Variants in PRKCB observed in about 807,000 individuals in gnomAD.
The protein encoded by PRKCB is protein kinase C beta type.
Under a neutral mutation model 81.5 loss-of-function variants are expected in PRKCB, and 13 were observed. The ratio of observed to expected loss-of-function variants is 0.16; its 90% CI spans 0.10 to 0.25. The LOEUF (loss-of-function observed/expected upper bound fraction) is 0.25. Among genes scored for constraint, PRKCB ranks in the 10% least tolerant of loss-of-function variants. The pLI, the probability that PRKCB is intolerant of heterozygous loss-of-function variation, is 1.00. For synonymous variants in PRKCB, 335 were observed against 321.4 expected (o/e 1.04, Z -0.45); for missense variants, 509 against 875.7 (o/e 0.58, Z 5.29).
intron 16 of PRKCB, among the ~76,000 whole-genome samples, chr16:24,192,129 G>A (rs938691929): frequency 3.9e-5 from 6 of 152,164 alleles, no homozygotes; most frequent in Non-Finnish European, 7.3e-5. Context: ...GATAATAATG[G>A]TAGTTATTTT....
chr16:24,064,570 T>C (rs1193464418), intron 5 of PRKCB, among the ~76,000 whole-genome samples: 1 of 152,178 alleles, frequency 6.6e-6, no homozygotes, highest in Non-Finnish European at 1.5e-5. Context: ...GGATGCCATA[T>C]TGTGTGTGTG....
chr16:23,976,431 C>T (rs1454954801), intron 2 of PRKCB, among the ~76,000 whole-genome samples: 1 of 152,200 alleles, frequency 6.6e-6, no homozygotes, highest in Non-Finnish European at 1.5e-5. Flanking sequence ...AGCTGATTCT[C>T]TTTGGGTGTC....
intron 2 of PRKCB, among the ~76,000 whole-genome samples, chr16:23,841,469 G>C (rs918897438): frequency 6.6e-6 from 1 of 152,012 alleles, no homozygotes; most frequent in Middle Eastern, 3.4e-3. Flanking sequence ...TTGGTAGAGA[G>C]AAAAACCTTC....
At chr16:24,079,193 A>G (rs1288669689) in intron 5 of PRKCB, among the ~76,000 whole-genome samples, 1 of 152,212 alleles carries the variant, frequency 6.6e-6, no homozygotes, top group African/African-American at 2.4e-5. Context: ...ATAAGAACTA[A>G]TGATAATCCC....
At chr16:24,035,664 G>A (rs1965606443) in intron 5 of PRKCB, 117 bp downstream of exon 5, 2 of 1,094,820 alleles carry the variant, frequency 1.8e-6, no homozygotes, top group Non-Finnish European at 1.3e-6. Context: ...TCCAGGGACG[G>A]GGAGGGGGTG....
intron 9 of PRKCB, among the ~76,000 whole-genome samples, chr16:24,132,751 T>A (rs1475324636): frequency 6.6e-6 from 1 of 150,470 alleles, no homozygotes; most frequent in African/African-American, 2.5e-5. Context: ...AGCTTTGATT[T>A]AGATGTGTAT....
At chr16:23,944,080 C>A (rs1253127455) in intron 2 of PRKCB, among the ~76,000 whole-genome samples, 45 of 152,126 alleles carry the variant, frequency 3.0e-4, no homozygotes, top group Non-Finnish European at 2.9e-5. Flanking sequence ...AATTCAGAGT[C>A]AACACGGAAA....
intron 2 of PRKCB, among the ~76,000 whole-genome samples, chr16:23,889,540 A>G (rs1038934533): frequency 6.6e-6 from 1 of 152,250 alleles, no homozygotes; most frequent in Non-Finnish European, 1.5e-5. Context: ...CTTGCAGGCC[A>G]ATGGTAGGAT....
chr16:24,147,303 T>A, intron 9 of PRKCB, among the ~76,000 whole-genome samples: 1 of 73,732 alleles, frequency 1.4e-5, no homozygotes, highest in Admixed American at 1.1e-4. Flanking sequence ...GGAGACTCTG[T>A]CTCAAAAAAA....
At chr16:23,996,077 G>A (rs1355799319) in intron 3 of PRKCB, among the ~76,000 whole-genome samples, 2 of 152,216 alleles carry the variant, frequency 1.3e-5, no homozygotes, top group African/African-American at 4.8e-5. Context: ...TTATTTGACT[G>A]GCTGGGCAGG....
chr16:23,996,317 T>G (rs1375959540), intron 3 of PRKCB, among the ~76,000 whole-genome samples: 1 of 152,164 alleles, frequency 6.6e-6, no homozygotes, highest in African/African-American at 2.4e-5. Flanking sequence ...CATCACACAA[T>G]GGGCTCATGA....
rs148312044 is a variant in PRKCB, at chr16:24,154,709, C to G, written c.1091C>G (p.Thr364Arg). 2.6e-4 allele frequency: 414 copies of G among 1,614,014 alleles called. No homozygotes were observed. Among genetic ancestry groups the G allele is most frequent in the Non-Finnish European group, 3.4e-4 (401 of 1,180,000 alleles). ...GKVMLSERKG[T>R]DELYAVKILK... ...GTCATGCTTTCAGAACGAAAAGGCA[C>G]AGATGAGCTCTATGCTGTGAAGATC... is the stretch of plus-strand genomic sequence containing the variant. The change falls in exon 10 of 17, where the codon ACA (threonine) becomes AGA (arginine). Residue 364 changes from threonine to arginine, a missense_variant. Thr to Arg is a moderately conservative substitution (Grantham distance 71). Transcript: ENST00000643927.
chr16:23,958,345 C>T (rs545932192), intron 2 of PRKCB, among the ~76,000 whole-genome samples: 25 of 151,122 alleles, frequency 1.7e-4, no homozygotes, highest in Admixed American at 7.3e-4. Context: ...CACTCTGTCA[C>T]CCAGGTGGGA....
At chr16:24,038,217 A>G (rs2141859751) in intron 5 of PRKCB, among the ~76,000 whole-genome samples, 1 of 152,014 alleles carries the variant, frequency 6.6e-6, no homozygotes, top group Non-Finnish European at 1.5e-5. Flanking sequence ...CAAACAAAAA[A>G]GGCCAGGTGT....
intron 12 of PRKCB, among the ~76,000 whole-genome samples, chr16:24,177,075 T>C (rs1162180436): frequency 6.6e-6 from 1 of 152,150 alleles, no homozygotes; most frequent in African/African-American, 2.4e-5. Flanking sequence ...GTGCCTCTAC[T>C]AAAATAGAAC....
At chr16:24,121,330 T>C (rs938057299) in intron 8 of PRKCB, among the ~76,000 whole-genome samples, 1 of 152,200 alleles carries the variant, frequency 6.6e-6, no homozygotes, top group African/African-American at 2.4e-5. Flanking sequence ...CCTCAGCACC[T>C]AGAGGAGCAC....
chr16:24,012,474 C>T lies in PRKCB; in HGVS notation c.289-19662C>T, dbSNP rs1405293108. Among the ~76,000 whole-genome samples the T allele has an allele frequency of 2.6e-5, 4 of 152,334 alleles. No homozygotes were observed. In the East Asian group the frequency reaches 7.7e-4, roughly 29 times the overall value. On this transcript the variant is annotated intron_variant, in intron 3 of 16. Transcript: ENST00000643927. Reference sequence around the variant, plus strand: ...TTCAACTCCACTAACCCTCTCTGGACAAGTAGCCTCTGGTCCTGTCTCCCT... The same window carrying T: ...TTCAACTCCACTAACCCTCTCTGGATAAGTAGCCTCTGGTCCTGTCTCCCT...
At chr16:24,212,888 A>G (rs974116281) in intron 16 of PRKCB, among the ~76,000 whole-genome samples, 2 of 152,050 alleles carry the variant, frequency 1.3e-5, no homozygotes, top group Non-Finnish European at 2.9e-5. Flanking sequence ...GTCTCAGTTC[A>G]TACAACCACA....
In PRKCB at chr16:23,882,021, T is replaced by TCTTCCTTC. The variant is rs1159121217; in HGVS notation, c.205+44644_205+44651dup. 6.5e-3 allele frequency among the ~76,000 whole-genome samples: 361 copies of TCTTCCTTC among 55,630 alleles called. 23 individuals carry two copies. The highest frequency in any genetic ancestry group is 0.011 in the African/African-American group (183 of 16,908). 36.5% of individuals were successfully genotyped at this position (55,630 alleles called of 152,430 possible). On this transcript the variant is annotated intron_variant, in intron 2 of 16. Coordinates refer to ENST00000643927, the MANE Select transcript of PRKCB (RefSeq NM_002738.7). ...TTCTTTCTTTCTTTCTTTCTTTCTTTCTTCCTTCCTTCCTTCCTTCCTTCC... is the reference window on the plus strand; with the variant it reads ...TTCTTTCTTTCTTTCTTTCTTTCTTTCTTCCTTCCTTCCTTCCTTCCTTCCTTCCTTCC...
Sources: allele counts gnomAD v4.1 joint callset (sites outside exome capture counted in the v4.1 genomes callset), GRCh38; gene constraint gnomAD v4.1.1; transcripts MANE v1.5; gene names NCBI Gene and HGNC (gene_info 2026-07-23, HGNC 2026-07-21).